Variants in GTF2F2 observed in about 807,000 individuals in gnomAD.
GTF2F2 encodes general transcription factor IIF subunit 2.
A neutral mutation model predicts 42.2 loss-of-function variants in GTF2F2; 23 were observed. The ratio of observed to expected loss-of-function variants is 0.55; its 90% CI spans 0.39 to 0.77. The LOEUF (loss-of-function observed/expected upper bound fraction) is 0.77, where lower values mean the gene tolerates loss of function less well. Among genes scored for constraint, GTF2F2 ranks in the 30% least tolerant of loss-of-function variants. The probability of loss-of-function intolerance (pLI) is 0.00; values close to 1 mark genes in which losing one functional copy is unlikely to be tolerated. For missense variants in GTF2F2, 261 were observed against 287.2 expected (o/e 0.91, Z 0.66); for synonymous variants, 105 against 100.8 (o/e 1.04, Z -0.25).
At chr13:45,230,032 A>G (rs1874592877) in intron 5 of GTF2F2, among the ~76,000 whole-genome samples, 1 of 152,148 alleles carries the variant, frequency 6.6e-6, no homozygotes, top group Non-Finnish European at 1.5e-5. Flanking sequence ...CCTGGCCAAC[A>G]TGGTGAAACC....
At chr13:45,240,039 A>C (rs888140552) in intron 5 of GTF2F2, among the ~76,000 whole-genome samples, 2 of 150,822 alleles carry the variant, frequency 1.3e-5, no homozygotes, top group South Asian at 4.2e-4. Flanking sequence ...ATTAGGTTGA[A>C]TCTTATGAAG....
chr13:45,271,378 T>TTTTTA (rs766268184), intron 7 of GTF2F2, among the ~76,000 whole-genome samples: 75 of 152,136 alleles, frequency 4.9e-4, no homozygotes, highest in South Asian at 1.0e-3. Flanking sequence ...GAGAAGTTTA[T>TTTTTA]TTTTATTTTA....
intron 5 of GTF2F2, among the ~76,000 whole-genome samples, chr13:45,229,943 C>CGGT (rs1467241441): frequency 6.6e-6 from 1 of 151,940 alleles, no homozygotes; most frequent in Admixed American, 6.6e-5. Flanking sequence ...AGGCCTGGTG[C>CGGT]GGTGACTCAC....
chr13:45,129,739 A>G (rs1869236728), intron 1 of GTF2F2, among the ~76,000 whole-genome samples: 1 of 151,152 alleles, frequency 6.6e-6, no homozygotes, highest in Non-Finnish European at 1.5e-5. Flanking sequence ...ATACGTTCTA[A>G]TTAGATTACG....
chr13:45,122,395 G>A (rs1868695194), intron 1 of GTF2F2, among the ~76,000 whole-genome samples: 1 of 152,128 alleles, frequency 6.6e-6, no homozygotes, highest in African/African-American at 2.4e-5. Flanking sequence ...CAGCACTTTG[G>A]GAGGCCGAGG....
chr13:45,125,380 C>T (rs1036971928), intron 1 of GTF2F2, among the ~76,000 whole-genome samples: 1 of 151,736 alleles, frequency 6.6e-6, no homozygotes, highest in South Asian at 2.1e-4. Flanking sequence ...AGTGCAGTGG[C>T]GCAATCTTGG....
chr13:45,266,448 A>G (rs992678107), intron 6 of GTF2F2, among the ~76,000 whole-genome samples: 15 of 152,274 alleles, frequency 9.9e-5, no homozygotes, highest in African/African-American at 2.4e-4. Flanking sequence ...CTTTTTACCA[A>G]TGCTTCCCAA....
chr13:45,281,842 A>G (rs904038537), intron 7 of GTF2F2, among the ~76,000 whole-genome samples: 2 of 152,266 alleles, frequency 1.3e-5, no homozygotes, highest in African/African-American at 2.4e-5. Context: ...TCTTTGAAGC[A>G]CACGCACACA....
At chr13:45,148,229 A>G (rs1422007298) in intron 2 of GTF2F2, among the ~76,000 whole-genome samples, 1 of 152,162 alleles carries the variant, frequency 6.6e-6, no homozygotes, top group Admixed American at 6.5e-5. Context: ...TCTACTCTGT[A>G]TATATTTTCT....
intron 5 of GTF2F2, among the ~76,000 whole-genome samples, chr13:45,249,014 A>G (rs1050433448): frequency 1.3e-5 from 2 of 152,312 alleles, no homozygotes; most frequent in South Asian, 2.1e-4. Context: ...TACGAACCAC[A>G]TATTTCCAAA....
At chr13:45,267,018 G>A (rs1436324824) in intron 6 of GTF2F2, among the ~76,000 whole-genome samples, 2 of 151,924 alleles carry the variant, frequency 1.3e-5, no homozygotes, top group African/African-American at 4.8e-5. Flanking sequence ...GCGTAGTGGC[G>A]GGCACCTGTA....
intron 4 of GTF2F2, among the ~76,000 whole-genome samples, chr13:45,187,842 A>C (rs1872488413): frequency 6.6e-6 from 1 of 152,224 alleles, no homozygotes; most frequent in Non-Finnish European, 1.5e-5. Context: ...TGCTGTTTAA[A>C]ATATTCATAA....
intron 4 of GTF2F2, among the ~76,000 whole-genome samples, chr13:45,157,003 C>T (rs1870789857): frequency 6.6e-6 from 1 of 152,088 alleles, no homozygotes; most frequent in Non-Finnish European, 1.5e-5. Flanking sequence ...AATTATATTG[C>T]TGGCTAGAAG....
intron 2 of GTF2F2, among the ~76,000 whole-genome samples, chr13:45,148,719 T>A (rs1870329703): frequency 6.6e-6 from 1 of 152,162 alleles, no homozygotes; most frequent in African/African-American, 2.4e-5. Flanking sequence ...AACTCAGTAC[T>A]TTGCATGTAA....
intron 4 of GTF2F2, chr13:45,194,487 T>C (rs748470801): frequency 1.2e-6 from 2 of 1,614,184 alleles, no homozygotes; most frequent in South Asian, 1.1e-5. Flanking sequence ...TGCAGTTCTT[T>C]CCTTGATCAG....
intron 4 of GTF2F2, among the ~76,000 whole-genome samples, chr13:45,168,906 T>TCCTTCCTTCCCTC (rs1555266072): frequency 1.1e-5 from 1 of 87,262 alleles, no homozygotes; most frequent in African/African-American, 5.1e-5. Context: ...CCTCCCTCCC[T>TCCTTCCTTCCCTC]CCTCCTTCCT....
chr13:45,260,955 G>C (rs1394955006), intron 6 of GTF2F2, among the ~76,000 whole-genome samples: 1 of 152,150 alleles, frequency 6.6e-6, no homozygotes, highest in Middle Eastern at 3.4e-3. Context: ...GTGAAACCCT[G>C]TCTCTAATAA....
chr13:45,157,327 A>G (rs1352094461), intron 4 of GTF2F2, among the ~76,000 whole-genome samples: 1 of 152,234 alleles, frequency 6.6e-6, no homozygotes, highest in African/African-American at 2.4e-5. Flanking sequence ...GTGGCAGATC[A>G]TGAAAAGATT....
intron 3 of GTF2F2, among the ~76,000 whole-genome samples, chr13:45,150,664 C>CTTTTTTTTTTT (rs368061537): frequency 0.13 from 15,427 of 120,022 alleles, 1,499 homozygotes; most frequent in Non-Finnish European, 0.16. Flanking sequence ...AAAAAATCAT[C>CTTTTTTTTTTT]TTTTTTTTTT....
Sources: allele counts gnomAD v4.1 joint callset (sites outside exome capture counted in the v4.1 genomes callset), GRCh38; gene constraint gnomAD v4.1.1; transcripts MANE v1.5; gene names NCBI Gene and HGNC (gene_info 2026-07-23, HGNC 2026-07-21).